The following ENAM variants were observed in gnomAD, a reference collection of about 807,000 sequenced individuals.
ENAM encodes the protein enamelin, also known as amelogenesis imperfecta 2, hypocalcification (autosomal dominant).
ENAM carries 21 observed loss-of-function variants against 33.6 expected under a neutral mutation model. The ratio of observed to expected loss-of-function variants is 0.63; its 90% CI spans 0.44 to 0.90. The LOEUF is 0.90. Ranked by LOEUF, ENAM falls within the 40% of genes least tolerant of loss-of-function variation. The probability of loss-of-function intolerance (pLI) is 0.00; values close to 1 mark genes in which losing one functional copy is unlikely to be tolerated. For synonymous variants in ENAM, 473 were observed against 468.4 expected (o/e 1.01, Z -0.13); for missense variants, 1,388 against 1,366.9 (o/e 1.02, Z -0.24).
chr4:70,645,008 C>T lies in ENAM; in HGVS notation c.*153C>T. On this transcript the variant is annotated 3_prime_UTR_variant, in exon 9 of 9. Transcript: ENST00000396073. Reference sequence around the variant, plus strand: ...CCTCTCAGCAATAGGAGTAGCGACCCAGGTGGAGCTGAGATTAGGCCTCTG... The same window carrying T: ...CCTCTCAGCAATAGGAGTAGCGACCTAGGTGGAGCTGAGATTAGGCCTCTG... 7 of 685,098 alleles carry T rather than the reference C, an allele frequency of 1.0e-5. No homozygotes were observed. In the Admixed American group the frequency reaches 1.5e-4, roughly 15 times the overall value. The allele number at this position is 685,098 out of a possible 1,614,324, so 42.4% of individuals were successfully genotyped here. A position where few individuals can be genotyped will look rare whatever the true frequency, so the allele number is the denominator to read the frequency against.
In ENAM at chr4:70,629,481, T is replaced by C. The variant is rs1454406375; in HGVS notation, c.-20T>C. On this transcript the variant is annotated 5_prime_UTR_variant, in exon 2 of 9. Transcript: ENST00000396073. ...AAGCTGTATTTTTCTTAAAGGCTTA[T>C]AAAAATTTTGCTGAAAAAAATGTTG... The C allele has an allele frequency of 1.9e-6, 3 of 1,604,884 alleles. No homozygotes were observed. Among genetic ancestry groups the C allele is most frequent in the Non-Finnish European group, 1.7e-6 (2 of 1,171,662 alleles).
At position 70,645,183 on chromosome 4, in the gene ENAM, C is replaced by G; in HGVS notation, c.*328C>G. The G allele has an allele frequency of 2.0e-6, 1 of 507,676 alleles. No homozygotes were observed. The highest frequency in any genetic ancestry group is 3.5e-6 in the Non-Finnish European group (1 of 284,864). The allele number at this position is 507,676 out of a possible 1,614,324, so 31.4% of individuals were successfully genotyped here. A position where few individuals can be genotyped will look rare whatever the true frequency, so the allele number is the denominator to read the frequency against. On this transcript the variant is annotated 3_prime_UTR_variant, in exon 9 of 9. Transcript: ENST00000396073. ...CTTCTTTTGCTCTCAAAGTTCCATA[C>G]TTGCAAAATTGGTTTTTCAAGACTG...
At chr4:70,637,662 A>G (rs1344602114) in intron 7 of ENAM, 128 bp from the exon 8 acceptor site, 5 of 778,194 alleles carry the variant, frequency 6.4e-6, no homozygotes, top group South Asian at 1.4e-5. Flanking sequence ...CTCAAACGCT[A>G]AAAGCTCAGA....
At position 70,645,047 on chromosome 4, in the gene ENAM, C is replaced by A. The variant is rs1034913787; in HGVS notation, c.*192C>A. On this transcript the variant is annotated 3_prime_UTR_variant, in exon 9 of 9. Coordinates refer to ENST00000396073, the MANE Select transcript of ENAM (RefSeq NM_031889.3). ...ATTAGGCCTCTGGGGATCACCAGAT[C>A]TAGCACTTTCACAGATTAGTGCAGA... is the stretch of plus-strand genomic sequence containing the variant. The A allele has an allele frequency of 4.3e-5, 27 of 624,098 alleles. No homozygotes were observed. The highest frequency in any genetic ancestry group is 6.3e-5 in the Non-Finnish European group (22 of 349,166). 38.7% of individuals were successfully genotyped at this position (624,098 alleles called of 1,614,324 possible).
chr4:70,632,588 T>C, intron 4 of ENAM, 63 bp from the exon 5 acceptor site: 1 of 1,169,376 alleles, frequency 8.6e-7, no homozygotes, highest in Non-Finnish European at 1.3e-6. Context: ...TTTCTTACGA[T>C]TTGTGCATTG....
At position 70,641,750 on chromosome 4, in the gene ENAM, A is replaced by G. The variant is rs77107284; in HGVS notation, c.589-265A>G. Among the ~76,000 whole-genome samples the G allele has an allele frequency of 0.034, 5,158 of 152,260 alleles. 187 individuals carry two copies. Among genetic ancestry groups the G allele is most frequent in the Non-Finnish European group, 0.04 (2,742 of 68,030 alleles). ...AGGATGAAATCATTAAAAACAAAAC[A>G]GAAAAACAAACAAAAACCCTCAGAT... On this transcript the variant is annotated intron_variant, in intron 8 of 8. Transcript: ENST00000396073.
chr4:70,643,690 A>G lies in ENAM; in HGVS notation c.2264A>G (p.Glu755Gly), dbSNP rs1356395931. ...GYYVNNAAGP[E>G]ESTLFPSRNS... ...TACGTTAATAATGCCGCTGGACCAGAAGAAAGCACTCTATTTCCTTCACGG... is the reference window on the plus strand; with the variant it reads ...TACGTTAATAATGCCGCTGGACCAGGAGAAAGCACTCTATTTCCTTCACGG... Residue 755 changes from glutamate (E) to glycine (G), a missense_variant, in exon 9 of 9, where the codon GAA becomes GGA. Physicochemically the swap from Glu to Gly is moderately conservative, Grantham distance 98 (BLOSUM62 -2). Coordinates refer to ENST00000396073, the MANE Select transcript of ENAM (RefSeq NM_031889.3). The G allele has an allele frequency of 1.2e-6, 2 of 1,614,176 alleles. No individual in the cohort carries two copies. The highest frequency in any genetic ancestry group is 8.5e-7 in the Non-Finnish European group (1 of 1,180,026).
At position 70,635,903 on chromosome 4, in the gene ENAM, T is replaced by C; in HGVS notation, c.534+9T>C. 1.3e-6 allele frequency: 2 copies of C among 1,510,348 alleles called. No homozygotes were observed. The highest frequency in any genetic ancestry group is 1.8e-6 in the Non-Finnish European group (2 of 1,090,082). 93.6% of individuals were successfully genotyped at this position (1,510,348 alleles called of 1,614,324 possible). A position where few individuals can be genotyped will look rare whatever the true frequency, so the allele number is the denominator to read the frequency against. On this transcript the variant is annotated intron_variant, in intron 7 of 8. Coordinates refer to ENST00000396073, the MANE Select transcript of ENAM (RefSeq NM_031889.3). ...CATGGCAAATTCCACAGGTGAGAAA[T>C]TTTTTTTTCTTTACACTGTAAGTGA...
chr4:70,635,909 T>A lies in ENAM; in HGVS notation c.534+15T>A. On this transcript the variant is annotated intron_variant, in intron 7 of 8. Transcript: ENST00000396073. ...AAATTCCACAGGTGAGAAATTTTTT[T>A]TTCTTTACACTGTAAGTGAAAAATA... 1 of 1,488,610 alleles carries A rather than the reference T, an allele frequency of 6.7e-7. No individual in the cohort carries two copies. The allele number at this position is 1,488,610 out of a possible 1,614,324, so 92.2% of individuals were successfully genotyped here.
intron 7 of ENAM, 69 bp downstream of exon 7, chr4:70,635,963 A>T: frequency 1.2e-6 from 1 of 825,016 alleles, no homozygotes. Context: ...TTAAATTAAT[A>T]TAAATTCATA....
At chr4:70,641,393 A>ATTTT (rs1301672853) in intron 8 of ENAM, among the ~76,000 whole-genome samples, 7 of 141,782 alleles carry the variant, frequency 4.9e-5, no homozygotes, top group African/African-American at 1.6e-4. Flanking sequence ...TTATTTATTT[A>ATTTT]TTTATTTTTT....
At position 70,642,223 on chromosome 4, in the gene ENAM, A is replaced by G; in HGVS notation, c.797A>G (p.Asp266Gly). 1 of 1,614,146 alleles carries G rather than the reference A, an allele frequency of 6.2e-7. No individual in the cohort carries two copies. Among genetic ancestry groups the G allele is most frequent in the South Asian group, 1.1e-5 (1 of 91,084 alleles). ...PNPKGSQGGNDTSPTGNSTPG... is the reference protein window; with the variant it reads ...PNPKGSQGGNGTSPTGNSTPG... ...CCTAAAGGGAGTCAGGGAGGAAATG[A>G]CACCAGCCCCACAGGAAACAGTACC... is the stretch of plus-strand genomic sequence containing the variant. The change falls in exon 9 of 9, where the codon GAC becomes GGC. Residue 266 changes from aspartate to glycine, a missense_variant. Transcript: ENST00000396073.
rs577756627 is a variant in ENAM, at chr4:70,639,533, T to C, written c.588+1690T>C. Among the ~76,000 whole-genome samples the C allele has an allele frequency of 5.9e-5, 9 of 152,274 alleles. No individual in the cohort carries two copies. In the South Asian group the frequency reaches 1.4e-3, roughly 25 times the overall value. On this transcript the variant is annotated intron_variant, in intron 8 of 8. Coordinates refer to ENST00000396073, the MANE Select transcript of ENAM (RefSeq NM_031889.3). Reference sequence around the variant, plus strand: ...TGAACCCAGGAGGGGAAGGTTGCAGTGAGCTGAGATCACATCATTGCACTC... The same window carrying C: ...TGAACCCAGGAGGGGAAGGTTGCAGCGAGCTGAGATCACATCATTGCACTC...
chr4:70,634,513 T>G lies in ENAM; in HGVS notation c.416T>G (p.Leu139Trp). The part of the protein sequence containing the change: ...QSKKPPQKRP[L>W]KQPSHNQPQP... The stretch of plus-strand genomic sequence containing the variant: ...AAAAAGCCACCACAAAAGCGGCCTT[T>G]GAAGCAGCCATCACATAATCAACCT... Residue 139 changes from leucine (L) to tryptophan (W), a missense_variant, in exon 6 of 9, where the codon TTG becomes TGG. By Grantham distance (61) the Leu-to-Trp change is moderately conservative. Transcript: ENST00000396073. 1 of 1,614,148 alleles carries G rather than the reference T, an allele frequency of 6.2e-7. No homozygotes were observed. The highest frequency in any genetic ancestry group is 1.1e-5 in the South Asian group (1 of 91,082).
chr4:70,645,009 A>C lies in ENAM; in HGVS notation c.*154A>C. On this transcript the variant is annotated 3_prime_UTR_variant, in exon 9 of 9. Transcript: ENST00000396073. ...CTCTCAGCAATAGGAGTAGCGACCC[A>C]GGTGGAGCTGAGATTAGGCCTCTGG... The C allele has an allele frequency of 1.5e-6, 1 of 684,020 alleles. No homozygotes were observed. The highest frequency in any genetic ancestry group is 1.7e-5 in the South Asian group (1 of 59,266). 42.4% of individuals were successfully genotyped at this position (684,020 alleles called of 1,614,324 possible).
At chr4:70,632,728 T>C (rs1432363673) in intron 5 of ENAM, 36 bp downstream of exon 5, 1 of 1,428,352 alleles carries the variant, frequency 7.0e-7, no homozygotes, top group Non-Finnish European at 9.9e-7. Context: ...GATGATTTCT[T>C]GTTTATCTAG....
intron 8 of ENAM, among the ~76,000 whole-genome samples, chr4:70,639,816 G>A (rs1316551861): frequency 6.6e-6 from 1 of 151,950 alleles, no homozygotes; most frequent in Admixed American, 6.6e-5. Context: ...TTTAGCCTGG[G>A]AATTCAAGGC....
chr4:70,635,063 T>C (rs901917386), intron 6 of ENAM, among the ~76,000 whole-genome samples: 5 of 152,022 alleles, frequency 3.3e-5, no homozygotes, highest in African/African-American at 4.8e-5. Context: ...TCTCATCCAG[T>C]GTGGAGGGAG....
At position 70,644,132 on chromosome 4, in the gene ENAM, G is replaced by A. The variant is rs746937094; in HGVS notation, c.2706G>A (p.Glu902=). ...CATCCTATGGTCTTGCACCTGGGGAGAACCAAGACACCAGTCCTCTGTATA... is the reference window on the plus strand; with the variant it reads ...CATCCTATGGTCTTGCACCTGGGGAAAACCAAGACACCAGTCCTCTGTATA... ...YTPSYGLAPG[E]NQDTSPLYTD... is the part of the protein sequence containing the mutation. Residue 902 remains glutamate (E), a synonymous_variant, in exon 9 of 9, where the codon GAG becomes GAA. Transcript: ENST00000396073. 3.1e-6 allele frequency: 5 copies of A among 1,614,066 alleles called. No homozygotes were observed. The East Asian group carries it at 1.1e-4, about 36-fold the overall frequency.
Sources: allele counts gnomAD v4.1 joint callset (sites outside exome capture counted in the v4.1 genomes callset), GRCh38; gene constraint gnomAD v4.1.1; transcripts MANE v1.5; gene names NCBI Gene and HGNC (gene_info 2026-07-23, HGNC 2026-07-21).